SLC4A10: variants seen among roughly 807,000 people sequenced by gnomAD.
SLC4A10 encodes the protein solute carrier family 4 member 10, also known as sodium-driven chloride bicarbonate exchanger.
SLC4A10 carries 42 observed loss-of-function variants against 137.7 expected under a neutral mutation model. That is an observed-to-expected ratio of 0.30 (90% confidence interval 0.24 to 0.39). The LOEUF (loss-of-function observed/expected upper bound fraction) is 0.39. Among genes scored for constraint, SLC4A10 ranks in the 10% least tolerant of loss-of-function variants. SLC4A10 has a pLI of 1.00. For synonymous variants in SLC4A10, 474 were observed against 464.1 expected (o/e 1.02, Z -0.27); for missense variants, 925 against 1,355.0 (o/e 0.68, Z 4.98).
intron 6 of SLC4A10, among the ~76,000 whole-genome samples, chr2:161,867,909 C>T (rs1575364819): frequency 6.6e-6 from 1 of 151,982 alleles, no homozygotes; most frequent in African/African-American, 2.4e-5. Flanking sequence ...TCATCTCCTA[C>T]CCTTTGGGTA....
intron 1 of SLC4A10, among the ~76,000 whole-genome samples, chr2:161,702,475 TA>T (rs2043228969): frequency 1.3e-5 from 2 of 151,766 alleles, no homozygotes; most frequent in Non-Finnish European, 2.9e-5. Context: ...GTTGACACAT[TA>T]AAAAATATTG....
At chr2:161,669,621 A>G (rs780822633) in intron 1 of SLC4A10, among the ~76,000 whole-genome samples, 4 of 152,036 alleles carry the variant, frequency 2.6e-5, no homozygotes, top group Non-Finnish European at 5.9e-5. Flanking sequence ...GTAATATTAA[A>G]TTGTTAATAA....
At chr2:161,627,893 A>C (rs2032752974) in intron 1 of SLC4A10, among the ~76,000 whole-genome samples, 1 of 152,106 alleles carries the variant, frequency 6.6e-6, no homozygotes, top group Non-Finnish European at 1.5e-5. Flanking sequence ...AAGGCAGGCA[A>C]ACACCCTATA....
intron 15 of SLC4A10, among the ~76,000 whole-genome samples, chr2:161,923,242 G>T (rs1688459045): frequency 6.6e-6 from 1 of 152,160 alleles, no homozygotes; most frequent in South Asian, 2.1e-4. Context: ...GGTACTAAAA[G>T]ATGTATTTTA....
At chr2:161,749,751 G>T (rs1401128436) in intron 1 of SLC4A10, among the ~76,000 whole-genome samples, 1 of 151,730 alleles carries the variant, frequency 6.6e-6, no homozygotes, top group Non-Finnish European at 1.5e-5. Flanking sequence ...TCTTTGTCTG[G>T]CTTTAATATC....
At chr2:161,921,787 G>A (rs576586904) in intron 15 of SLC4A10, among the ~76,000 whole-genome samples, 1 of 152,234 alleles carries the variant, frequency 6.6e-6, no homozygotes, top group African/African-American at 2.4e-5. Context: ...GGACCATTTT[G>A]TCTTAAAGCT....
At chr2:161,763,885 T>C (rs1455865812) in intron 1 of SLC4A10, among the ~76,000 whole-genome samples, 2 of 152,170 alleles carry the variant, frequency 1.3e-5, no homozygotes, top group Non-Finnish European at 2.9e-5. Context: ...AAATGGTGGT[T>C]GCTTTTTAAA....
At position 161,910,378 on chromosome 2, in the gene SLC4A10, G is replaced by A. The variant is rs1685543776; in HGVS notation, c.1997+4491G>A. Among the ~76,000 whole-genome samples, 3 of 152,150 alleles carry A rather than the reference G, an allele frequency of 2.0e-5. No individual in the cohort carries two copies. The East Asian group carries it at 5.8e-4, about 29-fold the overall frequency. On this transcript the variant is annotated intron_variant, in intron 15 of 26. Coordinates refer to ENST00000446997, the MANE Select transcript of SLC4A10 (RefSeq NM_001178015.2). ...TGAGAATACATACATTGCACCAGACGATCAAGCTGAATATGCCAAGTTAGC... is the reference window on the plus strand; with the variant it reads ...TGAGAATACATACATTGCACCAGACAATCAAGCTGAATATGCCAAGTTAGC...
intron 1 of SLC4A10, among the ~76,000 whole-genome samples, chr2:161,742,332 A>G (rs2047975736): frequency 6.6e-6 from 1 of 151,468 alleles, no homozygotes; most frequent in African/African-American, 2.4e-5. Context: ...TTTTGGGTTT[A>G]TACATAGCAG....
chr2:161,784,190 A>T (rs1379778790), intron 2 of SLC4A10, among the ~76,000 whole-genome samples: 1 of 151,920 alleles, frequency 6.6e-6, no homozygotes, highest in Non-Finnish European at 1.5e-5. Context: ...AATATATAAC[A>T]ATTGTAAGTA....
At chr2:161,874,112 A>T in intron 8 of SLC4A10, 107 bp downstream of exon 8, 1 of 1,113,912 alleles carries the variant, frequency 9.0e-7, no homozygotes, top group Non-Finnish European at 1.3e-6. Context: ...TCCATCTGCC[A>T]CTCTAAGAAC....
At chr2:161,789,580 G>A (rs1437230777) in intron 2 of SLC4A10, among the ~76,000 whole-genome samples, 3 of 151,972 alleles carry the variant, frequency 2.0e-5, no homozygotes, top group Non-Finnish European at 2.9e-5. Context: ...ATGTTACAAA[G>A]GCTACTATAT....
intron 1 of SLC4A10, among the ~76,000 whole-genome samples, chr2:161,754,492 T>C (rs1257750227): frequency 6.6e-6 from 1 of 152,206 alleles, no homozygotes; most frequent in African/African-American, 2.4e-5. Context: ...TATGGCTTTT[T>C]GCCCAAAATG....
intron 1 of SLC4A10, among the ~76,000 whole-genome samples, chr2:161,720,607 G>C (rs1006846966): frequency 3.3e-5 from 5 of 152,102 alleles, no homozygotes; most frequent in African/African-American, 9.7e-5. Context: ...TCCTCTTGTT[G>C]AATTGAACCC....
chr2:161,823,695 T>C (rs1326873992), intron 3 of SLC4A10, among the ~76,000 whole-genome samples: 1 of 152,226 alleles, frequency 6.6e-6, no homozygotes, highest in Non-Finnish European at 1.5e-5. Flanking sequence ...CAGAAACTTA[T>C]CAACAAATAC....
chr2:161,846,673 A>ATATCAGT (rs1356307097), intron 4 of SLC4A10, among the ~76,000 whole-genome samples: 1 of 152,192 alleles, frequency 6.6e-6, no homozygotes, highest in Non-Finnish European at 1.5e-5. Context: ...TACACACAAT[A>ATATCAGT]ACTTGAATGT....
In SLC4A10 at chr2:161,723,744, A is replaced by G. The variant is rs1340231105; in HGVS notation, c.49-47229A>G. ...TCCCCAAATTTATTTCAGAAGCACT[A>G]AATAAAATCTATGGAGATAGAACCC... On this transcript the variant is annotated intron_variant, in intron 1 of 26. Transcript: ENST00000446997. Among the ~76,000 whole-genome samples the G allele has an allele frequency of 2.0e-5, 3 of 152,332 alleles. No individual in the cohort carries two copies. In the East Asian group the frequency reaches 5.8e-4, roughly 29 times the overall value.
intron 17 of SLC4A10, among the ~76,000 whole-genome samples, chr2:161,948,292 G>A (rs1169562130): frequency 2.0e-5 from 3 of 151,980 alleles, no homozygotes; most frequent in African/African-American, 7.2e-5. Context: ...AAAGAAACAA[G>A]GAAACAAGCT....
intron 1 of SLC4A10, among the ~76,000 whole-genome samples, chr2:161,720,912 C>A (rs997476752): frequency 6.6e-6 from 1 of 152,024 alleles, no homozygotes; most frequent in Non-Finnish European, 1.5e-5. Flanking sequence ...TCACTGCAAC[C>A]TCTGCCCCCA....
Sources: gnomAD v4.1 joint callset for allele counts (sites outside exome capture counted in the v4.1 genomes callset) on GRCh38, gnomAD v4.1.1 for gene constraint, MANE v1.5 for transcripts, NCBI Gene and HGNC (gene_info 2026-07-23, HGNC 2026-07-21) for gene names.